The following CPSF7 variants were observed in gnomAD, a reference collection of about 807,000 sequenced individuals.
The protein encoded by CPSF7 is cleavage and polyadenylation specific factor 7, also known as cleavage and polyadenylation specificity factor subunit 7.
Under a neutral mutation model 44.3 loss-of-function variants are expected in CPSF7, and 1 was observed. That is an observed-to-expected ratio of 0.02 (90% CI 0.01 to 0.11). The LOEUF is 0.11. Among genes scored for constraint, CPSF7 ranks in the 10% least tolerant of loss-of-function variants. CPSF7 has a pLI of 1.00. For missense variants in CPSF7, 443 were observed against 607.2 expected (o/e 0.73, Z 2.84); for synonymous variants, 202 against 222.0 (o/e 0.91, Z 0.80).
chr11:61,411,623 T>C, intron 8 of CPSF7, 146 bp downstream of exon 8: 1 of 637,954 alleles, frequency 1.6e-6, no homozygotes, highest in Non-Finnish European at 2.6e-6. Context: ...ATCTGATTAG[T>C]TTCTTCCCCA....
chr11:61,420,619 C>G (rs748565055), intron 3 of CPSF7, 46 bp from the exon 4 acceptor site: 1 of 1,454,842 alleles, frequency 6.9e-7, no homozygotes, highest in Non-Finnish European at 9.6e-7. Flanking sequence ...AGAGCTACAC[C>G]CCCGCCCGCC....
At chr11:61,420,626 C>T (rs529218557) in intron 3 of CPSF7, 53 bp from the exon 4 acceptor site, 26 of 1,377,296 alleles carry the variant, frequency 1.9e-5, no homozygotes, top group Admixed American at 5.1e-5. Context: ...CACCCCCGCC[C>T]GCCAATGTCC....
chr11:61,428,938 C>T (rs1055437628), intron 2 of CPSF7: 5 of 303,690 alleles, frequency 1.6e-5, no homozygotes, highest in African/African-American at 1.1e-4. Flanking sequence ...GTTGATTCAC[C>T]ATTCTATTAC....
intron 9 of CPSF7, among the ~76,000 whole-genome samples, chr11:61,405,192 A>G (rs1351604536): frequency 6.6e-6 from 1 of 152,222 alleles, no homozygotes; most frequent in Non-Finnish European, 1.5e-5. Context: ...AACCAAATCC[A>G]TTAATCCCCA....
At chr11:61,422,283 GC>G (rs1248335154) in intron 2 of CPSF7, among the ~76,000 whole-genome samples, 1 of 151,302 alleles carries the variant, frequency 6.6e-6, no homozygotes, top group Non-Finnish European at 1.5e-5. Flanking sequence ...TGACATACAG[GC>G]CCAATGCATT....
intron 2 of CPSF7, chr11:61,427,090 G>T (rs966118035): frequency 5.3e-5 from 8 of 151,222 alleles, no homozygotes; most frequent in Admixed American, 1.3e-4. Flanking sequence ...TCTTGGTGGG[G>T]GAAAAACATA....
At chr11:61,410,492 A>G (rs1859757187) in intron 9 of CPSF7, 1 of 153,264 alleles carries the variant, frequency 6.5e-6, no homozygotes, top group African/African-American at 2.4e-5. Flanking sequence ...GATAATAACA[A>G]TGGCTATTAA....
chr11:61,416,603 C>T, intron 5 of CPSF7, 84 bp from the exon 6 acceptor site: 1 of 1,405,754 alleles, frequency 7.1e-7, no homozygotes, highest in Non-Finnish European at 1.0e-6. Flanking sequence ...AGTTATCAGA[C>T]ACCCTACAAA....
intron 9 of CPSF7, among the ~76,000 whole-genome samples, chr11:61,408,826 ACTT>A (rs1471657328): frequency 1.3e-4 from 20 of 152,258 alleles, no homozygotes; most frequent in Middle Eastern, 3.4e-3. Flanking sequence ...TCTTAACTGA[ACTT>A]CTCCATTACT....
chr11:61,411,231 C>CAA lies in CPSF7; in HGVS notation c.1227-127_1227-126insTT. The CAA allele has an allele frequency of 4.2e-6, 4 of 954,798 alleles. No individual in the cohort carries two copies. In the East Asian group the frequency reaches 1.1e-4, roughly 25 times the overall value. 59.1% of individuals were successfully genotyped at this position (954,798 alleles called of 1,614,324 possible). The stretch of plus-strand genomic sequence containing the variant: ...TATTACTCTATCATGGGCCTGCTGT[C>CAA]TGAGGATTTTAGCTCTTTGAGGACT... On this transcript the variant is annotated intron_variant, in intron 8 of 9. Coordinates refer to ENST00000439958, the MANE Select transcript of CPSF7 (RefSeq NM_001142565.3).
chr11:61,429,483 C>T, intron 1 of CPSF7, 193 bp from the exon 2 acceptor site: 3 of 525,766 alleles, frequency 5.7e-6, no homozygotes, highest in Non-Finnish European at 9.8e-6. Flanking sequence ...CGCTGCCCAT[C>T]ACCCTCGGGC....
chr11:61,408,611 G>A (rs1457522302), intron 9 of CPSF7, among the ~76,000 whole-genome samples: 4 of 152,170 alleles, frequency 2.6e-5, no homozygotes, highest in Non-Finnish European at 5.9e-5. Flanking sequence ...GCTCCTATAT[G>A]CTTATATAAT....
rs536600217 is a variant in CPSF7, at chr11:61,409,553, GAAGTTA to G, written c.*5+1379_*5+1384del. ...TCCAAAAGCAAAAAACCCTTCCGTT[GAAGTTA>G]ATTATCCACCACAAAGCCTCTAAAC... On this transcript the variant is annotated intron_variant, in intron 9 of 9. Coordinates refer to ENST00000439958, the MANE Select transcript of CPSF7 (RefSeq NM_001142565.3). 1.5e-4 allele frequency among the ~76,000 whole-genome samples: 23 copies of G among 152,246 alleles called. No individual in the cohort carries two copies. In the South Asian group the frequency reaches 4.1e-3, roughly 27 times the overall value.
rs576232903 is a variant in CPSF7 at position 61,428,822 on chromosome 11, C to T, written c.54+360G>A. On this transcript the variant is annotated intron_variant, in intron 2 of 9. Coordinates refer to ENST00000439958, the MANE Select transcript of CPSF7 (RefSeq NM_001142565.3). ...CTGCAGGTTGAGAATGTAAAGGAAC[C>T]GGTATCAACACTGTCCTCATGAATA... The T allele has an allele frequency of 9.1e-4, 145 of 158,654 alleles. 1 individual carries two copies. The highest frequency in any genetic ancestry group is 3.3e-3 in the African/African-American group (138 of 41,812). The allele number at this position is 158,654 out of a possible 1,614,324, so 9.8% of individuals were successfully genotyped here. A position where few individuals can be genotyped will look rare whatever the true frequency, so the allele number is the denominator to read the frequency against.
intron 3 of CPSF7, chr11:61,420,784 C>T (rs1173123769): frequency 3.4e-6 from 2 of 592,402 alleles, no homozygotes; most frequent in Admixed American, 3.0e-5. Context: ...TTAGAGATTA[C>T]GAAGATTAAA....
At chr11:61,408,367 A>G (rs1188896581) in intron 9 of CPSF7, among the ~76,000 whole-genome samples, 2 of 152,148 alleles carry the variant, frequency 1.3e-5, no homozygotes, top group Non-Finnish European at 2.9e-5. Context: ...TTGGCCTCCC[A>G]AAGTGCTGGG....
rs772924995 is a variant in CPSF7, at chr11:61,421,497, G to C, written c.166C>G (p.Arg56Gly). The C allele has an allele frequency of 5.0e-6, 8 of 1,613,924 alleles. No individual in the cohort carries two copies. The South Asian group carries it at 8.8e-5, about 18-fold the overall frequency. ...TTGGGCTTGGGAGATGGCTCCTGGCGAACAGGAGGAGGTGGTTCAGTGCTG... is the reference window on the plus strand; with the variant it reads ...TTGGGCTTGGGAGATGGCTCCTGGCCAACAGGAGGAGGTGGTTCAGTGCTG... The part of the protein sequence containing the change: ...SSSTEPPPPV[R>G]QEPSPKPNNK... Residue 56 changes from arginine (R) to glycine (G), a missense_variant, in exon 3 of 10, where the codon CGC becomes GGC. By Grantham distance (125) the Arg-to-Gly change is moderately radical (BLOSUM62 -2). Transcript: ENST00000439958.
intron 2 of CPSF7, among the ~76,000 whole-genome samples, chr11:61,423,064 T>C (rs897171057): frequency 1.5e-5 from 2 of 130,718 alleles, no homozygotes; most frequent in Admixed American, 9.2e-5. Flanking sequence ...GAGGTTGAGG[T>C]TGCAGTGAGC....
Position 61,416,122 on chromosome 11 carries a change from G to A in CPSF7, c.921C>T (p.Pro307=), listed in dbSNP as rs772530434. 1 of 1,501,402 alleles carries A rather than the reference G, an allele frequency of 6.7e-7. No individual in the cohort carries two copies. The highest frequency in any genetic ancestry group is 8.9e-7 in the Non-Finnish European group (1 of 1,126,920). 93.0% of individuals were successfully genotyped at this position (1,501,402 alleles called of 1,614,324 possible). ...GTCCTTACCTGCCATGGTGGTTATA[G>A]GGGGCAGAGGCCTTCATGTAAGTAT... ...PPDTYMKASA[P]YNHHGSRDSG... is the part of the protein sequence containing the mutation. The change falls in exon 6 of 10, where the codon CCC becomes CCT. Residue 307 remains proline, a synonymous_variant. Transcript: ENST00000439958.
Sources: allele counts gnomAD v4.1 joint callset (sites outside exome capture counted in the v4.1 genomes callset), GRCh38; gene constraint gnomAD v4.1.1; transcripts MANE v1.5; gene names NCBI Gene and HGNC (gene_info 2026-07-23, HGNC 2026-07-21).